ADGRB1: variants seen among roughly 807,000 people sequenced by gnomAD.
ADGRB1 encodes the protein adhesion G protein-coupled receptor B1.
In ADGRB1, 36 loss-of-function variants were observed where a neutral mutation model predicts 175.7. The observed-to-expected ratio is 0.20, with a 90% CI of 0.16 to 0.27. The LOEUF is 0.27. Ranked by LOEUF, ADGRB1 falls within the 10% of genes least tolerant of loss-of-function variation. The probability of loss-of-function intolerance (pLI) is 1.00; values close to 1 mark genes in which losing one functional copy is unlikely to be tolerated. For synonymous variants in ADGRB1, 1,054 were observed against 979.4 expected (o/e 1.08, Z -1.42); for missense variants, 1,731 against 2,255.3 (o/e 0.77, Z 4.71).
At chr8:142,472,754 A>G (rs1379076433) in intron 2 of ADGRB1, among the ~76,000 whole-genome samples, 5 of 152,170 alleles carry the variant, frequency 3.3e-5, no homozygotes, top group Non-Finnish European at 7.4e-5. Flanking sequence ...AGGATCAGGA[A>G]TTCTGTGCCC....
intron 9 of ADGRB1, 73 bp downstream of exon 9, chr8:142,479,867 T>C: frequency 1.4e-6 from 2 of 1,457,226 alleles, no homozygotes; most frequent in Non-Finnish European, 9.4e-7. Context: ...GCTGAGGTGC[T>C]GTCAGCACTG....
intron 17 of ADGRB1, among the ~76,000 whole-genome samples, chr8:142,501,687 C>T (rs796777285): frequency 5.5e-4 from 25 of 45,746 alleles, no homozygotes; most frequent in East Asian, 1.7e-3. Context: ...GTGGTTTTGA[C>T]GATGGAGGTG....
At chr8:142,454,352 G>A (rs374247991) in intron 1 of ADGRB1, among the ~76,000 whole-genome samples, 7 of 152,178 alleles carry the variant, frequency 4.6e-5, no homozygotes, top group African/African-American at 9.7e-5. Context: ...CAAGAAACAC[G>A]GAACACCAGG....
intron 2 of ADGRB1, among the ~76,000 whole-genome samples, chr8:142,468,227 C>CGTGTGT (rs370172569): frequency 6.7e-6 from 1 of 150,156 alleles, no homozygotes; most frequent in African/African-American, 2.5e-5. Flanking sequence ...TGTGTGTGTG[C>CGTGTGT]GTGTGCAGTA....
rs755973600 is a variant in ADGRB1, at chr8:142,484,651, T to G, written c.2200-5T>G. 4.4e-6 allele frequency: 7 copies of G among 1,606,340 alleles called. No individual in the cohort carries two copies. Among genetic ancestry groups the G allele is most frequent in the African/African-American group, 2.7e-5 (2 of 74,814 alleles). On this transcript the variant is annotated splice_polypyrimidine_tract_variant and splice_region_variant and intron_variant, in intron 12 of 30. Transcript: ENST00000517894. ...CCCTCGGCTGCTCACCCCCCTGCCC[T>G]CCAGGCGGGCCCCAACGCCAAGGAG...
In ADGRB1 at chr8:142,510,375, G is replaced by A. The variant is rs1843020407; in HGVS notation, c.2676-557G>A. Among the ~76,000 whole-genome samples, 1 of 151,928 alleles carries A rather than the reference G, an allele frequency of 6.6e-6. No individual in the cohort carries two copies. The highest frequency in any genetic ancestry group is 1.5e-5 in the Non-Finnish European group (1 of 67,924). Reference sequence around the variant, plus strand: ...GATGAGGCCCGGGGGAGGTGGATGTGGGGGATGGAGCGGTCCCAAGGTCGT... The same window carrying A: ...GATGAGGCCCGGGGGAGGTGGATGTAGGGGATGGAGCGGTCCCAAGGTCGT... On this transcript the variant is annotated intron_variant, in intron 17 of 30. Coordinates refer to ENST00000517894, the MANE Select transcript of ADGRB1 (RefSeq NM_001702.3). The surrounding 1 kb of genome is among the most constrained non-coding windows in gnomAD (Gnocchi z 6.3).
intron 2 of ADGRB1, among the ~76,000 whole-genome samples, chr8:142,465,336 C>T (rs1587259614): frequency 1.3e-5 from 2 of 152,194 alleles, no homozygotes; most frequent in African/African-American, 2.4e-5. Context: ...GGTCATCCTC[C>T]TGGCTGGGAG....
At chr8:142,505,926 C>T (rs1334520830) in intron 17 of ADGRB1, among the ~76,000 whole-genome samples, 3 of 152,116 alleles carry the variant, frequency 2.0e-5, no homozygotes, top group South Asian at 2.1e-4. Flanking sequence ...GGAGGTGAAG[C>T]GGGGACCCAA....
intron 2 of ADGRB1, among the ~76,000 whole-genome samples, chr8:142,471,505 C>T (rs983557957): frequency 1.3e-5 from 2 of 152,246 alleles, no homozygotes; most frequent in Non-Finnish European, 2.9e-5. Flanking sequence ...GGCCAAGGAG[C>T]ACCTGCCTGA....
chr8:142,526,514 C>CCCCCCAA, intron 23 of ADGRB1, 28 bp from the exon 24 acceptor site: 1 of 1,378,164 alleles, frequency 7.3e-7, no homozygotes, highest in Non-Finnish European at 1.0e-6. Flanking sequence ...CCCCCACCCC[C>CCCCCCAA]ACACCCCCAC....
chr8:142,483,890 C>A, intron 11 of ADGRB1, 87 bp from the exon 12 acceptor site: 1 of 1,425,766 alleles, frequency 7.0e-7, no homozygotes, highest in South Asian at 1.2e-5. Context: ...TGACCCTGGT[C>A]ACACACTGAA....
At chr8:142,458,384 T>C (rs1384671161) in intron 1 of ADGRB1, among the ~76,000 whole-genome samples, 2 of 152,096 alleles carry the variant, frequency 1.3e-5, no homozygotes, top group Non-Finnish European at 2.9e-5. Context: ...GCGGGTGCAG[T>C]GCCTCTCGTC....
At chr8:142,517,860 G>A (rs1843535773) in intron 18 of ADGRB1, among the ~76,000 whole-genome samples, 1 of 152,206 alleles carries the variant, frequency 6.6e-6, no homozygotes, top group African/African-American at 2.4e-5. Context: ...CATGATGGCA[G>A]CAAAGACTTA....
chr8:142,473,531 G>A (rs1381335334), intron 2 of ADGRB1, among the ~76,000 whole-genome samples: 1 of 152,220 alleles, frequency 6.6e-6, no homozygotes, highest in African/African-American at 2.4e-5. Context: ...CCTGTCACCT[G>A]TTCCTATGCT....
intron 2 of ADGRB1, among the ~76,000 whole-genome samples, chr8:142,466,453 G>A (rs543268983): frequency 6.8e-4 from 104 of 152,356 alleles, no homozygotes; most frequent in Non-Finnish European, 1.1e-3. Flanking sequence ...GAGGAAGGAG[G>A]GACAGGCGTG....
chr8:142,467,748 T>C lies in ADGRB1; in HGVS notation c.784+2766T>C, dbSNP rs560319594. Among the ~76,000 whole-genome samples, 23 of 152,354 alleles carry C rather than the reference T, an allele frequency of 1.5e-4. No individual in the cohort carries two copies. In the South Asian group the frequency reaches 4.8e-3, roughly 32 times the overall value. ...CCTGACCCGGCTTGCCGTATGTCCC[T>C]GGGCCAATTCCATCAGGTCTCTCAT... On this transcript the variant is annotated intron_variant, in intron 2 of 30. Coordinates refer to ENST00000517894, the MANE Select transcript of ADGRB1 (RefSeq NM_001702.3).
intron 20 of ADGRB1, 78 bp from the exon 21 acceptor site, chr8:142,521,887 G>T: frequency 1.3e-6 from 2 of 1,495,646 alleles, no homozygotes; most frequent in Non-Finnish European, 1.8e-6. Context: ...GCTGCCAGCT[G>T]CAGACAGGCA....
rs758946298 is a variant in ADGRB1 at position 142,543,639 on chromosome 8, C to T, written c.4488C>T (p.Phe1496=). 6.4e-7 allele frequency: 1 copy of T among 1,570,924 alleles called. No individual in the cohort carries two copies. Among genetic ancestry groups the T allele is most frequent in the Non-Finnish European group, 8.6e-7 (1 of 1,158,300 alleles). The change falls in exon 30 of 31, where the codon TTC becomes TTT. Residue 1496 remains phenylalanine (F), a synonymous_variant. Transcript: ENST00000517894. The surrounding 1 kb of genome is among the most constrained non-coding windows in gnomAD (Gnocchi z 4.4). ...MHTRKRHQDM[F]QDLNRKLQHA... Reference sequence around the variant, plus strand: ...CCCGGAAGCGGCACCAAGACATGTTCCAGGACCTGAACCGGAAGCTGCAGC... The same window carrying T: ...CCCGGAAGCGGCACCAAGACATGTTTCAGGACCTGAACCGGAAGCTGCAGC...
chr8:142,530,939 C>T (rs1451234604), intron 24 of ADGRB1, among the ~76,000 whole-genome samples: 4 of 152,322 alleles, frequency 2.6e-5, no homozygotes, highest in East Asian at 3.9e-4. Context: ...GTTTCCCAGC[C>T]GCAGAGGCTG....
Sources: allele counts gnomAD v4.1 joint callset (sites outside exome capture counted in the v4.1 genomes callset), GRCh38; gene constraint gnomAD v4.1.1; non-coding constraint Gnocchi (gnomAD v3.1); transcripts MANE v1.5; gene names NCBI Gene and HGNC (gene_info 2026-07-23, HGNC 2026-07-21).